Variants in TOP6BL observed in about 807,000 individuals in gnomAD.
TOP6BL encodes type 2 DNA topoisomerase 6 subunit B-like.
At chr11:66,804,809 C>T in the TOP6BL span, among the ~76,000 whole-genome samples, 1 of 152,102 alleles carries the variant, frequency 6.6e-6, no homozygotes, top group Non-Finnish European at 1.5e-5. Flanking sequence ...TGGTGGCTCA[C>T]ACCTGTAATC....
the TOP6BL span, chr11:66,744,819 GGGCGGCGGCGGC>G: frequency 4.0e-5 from 49 of 1,230,486 alleles, no homozygotes; most frequent in Middle Eastern, 4.9e-4. Flanking sequence ...GCTGAGGAGG[GGGCGGCGGCGGC>G]GGCGGCGGCG....
the TOP6BL span, among the ~76,000 whole-genome samples, chr11:66,756,957 C>T: frequency 5.9e-5 from 9 of 151,470 alleles, no homozygotes; most frequent in African/African-American, 2.2e-4. Flanking sequence ...AATATCTACC[C>T]ACCTCAGCCT....
At chr11:66,804,000 C>T in the TOP6BL span, 2 of 1,595,412 alleles carry the variant, frequency 1.3e-6, no homozygotes, top group Non-Finnish European at 1.7e-6. Flanking sequence ...GACAGTAGAC[C>T]AAATTTTGGT....
At chr11:66,788,325 A>T in the TOP6BL span, 13 of 1,286,388 alleles carry the variant, frequency 1.0e-5, no homozygotes, top group East Asian at 3.1e-4. Flanking sequence ...ATTTTTCTGC[A>T]ATCTAATAAC....
the TOP6BL span, among the ~76,000 whole-genome samples, chr11:66,820,418 C>T: frequency 6.6e-6 from 1 of 152,174 alleles, no homozygotes; most frequent in African/African-American, 2.4e-5. Flanking sequence ...CTCCAGGTGA[C>T]CTGTAAATTT....
At chr11:66,831,194 TAGC>T in the TOP6BL span, among the ~76,000 whole-genome samples, 4 of 152,200 alleles carry the variant, frequency 2.6e-5, no homozygotes, top group African/African-American at 9.7e-5. Flanking sequence ...GGAGAACAGT[TAGC>T]AGTTTCTTAA....
the TOP6BL span, among the ~76,000 whole-genome samples, chr11:66,765,650 G>A: frequency 6.6e-6 from 1 of 152,116 alleles, no homozygotes. Context: ...CAAGTAGCTG[G>A]GATTACAAGC....
the TOP6BL span, among the ~76,000 whole-genome samples, chr11:66,784,937 T>C: frequency 6.6e-6 from 1 of 151,136 alleles, no homozygotes; most frequent in African/African-American, 2.4e-5. Flanking sequence ...TTTTTTTGTA[T>C]CTTTAATTTC....
At chr11:66,795,749 A>G in the TOP6BL span, 1 of 151,640 alleles carries the variant, frequency 6.6e-6, no homozygotes, top group Admixed American at 6.6e-5. Flanking sequence ...TTTTTACAGA[A>G]CCAGTACTAG....
the TOP6BL span, among the ~76,000 whole-genome samples, chr11:66,825,145 C>T: frequency 6.6e-6 from 1 of 151,518 alleles, no homozygotes; most frequent in Admixed American, 6.6e-5. Flanking sequence ...ATTACAGGCC[C>T]GAGCTACTGT....
At chr11:66,749,568 A>ATTAT in the TOP6BL span, among the ~76,000 whole-genome samples, 4 of 151,704 alleles carry the variant, frequency 2.6e-5, no homozygotes, top group African/African-American at 4.8e-5. Flanking sequence ...TATGGTTATA[A>ATTAT]TTATTTATTT....
At chr11:66,805,552 C>T in the TOP6BL span, among the ~76,000 whole-genome samples, 2 of 151,654 alleles carry the variant, frequency 1.3e-5, no homozygotes, top group Non-Finnish European at 2.9e-5. Flanking sequence ...ACCTCTGCTT[C>T]CCGGACTCAA....
the TOP6BL span, chr11:66,843,305 A>C: frequency 6.4e-7 from 1 of 1,559,230 alleles, no homozygotes; most frequent in African/African-American, 1.4e-5. Context: ...GGTTTAATAA[A>C]GCTGCCGCGC....
At chr11:66,803,211 C>T in the TOP6BL span, among the ~76,000 whole-genome samples, 3 of 152,164 alleles carry the variant, frequency 2.0e-5, no homozygotes, top group Admixed American at 2.0e-4. Context: ...GGCCCCCTCA[C>T]ACAATGCTGA....
At chr11:66,756,384 G>A in the TOP6BL span, 2 of 1,179,356 alleles carry the variant, frequency 1.7e-6, no homozygotes, top group Non-Finnish European at 2.2e-6. Flanking sequence ...CCAGGCCGGA[G>A]TGCAGTGGCG....
chr11:66,784,298 G>T, the TOP6BL span, among the ~76,000 whole-genome samples: 1 of 152,282 alleles, frequency 6.6e-6, no homozygotes, highest in South Asian at 2.1e-4. Context: ...CTCCCAAAGT[G>T]CTGGGATTAC....
chr11:66,821,797 T>C, the TOP6BL span: 10 of 1,607,210 alleles, frequency 6.2e-6, no homozygotes, highest in South Asian at 1.1e-4. Flanking sequence ...TTTTCTCCTA[T>C]TCTCTAAGAA....
At chr11:66,772,678 C>G in the TOP6BL span, among the ~76,000 whole-genome samples, 1 of 151,396 alleles carries the variant, frequency 6.6e-6, no homozygotes, top group Non-Finnish European at 1.5e-5. Context: ...GCTAAGGCAG[C>G]AGAATCAGCT....
At chr11:66,781,076 C>T in the TOP6BL span, among the ~76,000 whole-genome samples, 1 of 151,956 alleles carries the variant, frequency 6.6e-6, no homozygotes, top group Non-Finnish European at 1.5e-5. Flanking sequence ...CTTTTCACAC[C>T]TTAATATTTT....
Sources: gnomAD v4.1 joint callset for allele counts (sites outside exome capture counted in the v4.1 genomes callset) on GRCh38, gnomAD v4.1.1 for gene constraint, MANE v1.5 for transcripts, NCBI Gene and HGNC (gene_info 2026-07-23, HGNC 2026-07-21) for gene names.